NOVA1: variants seen among roughly 807,000 people sequenced by gnomAD.
The protein encoded by NOVA1 is RNA-binding protein Nova-1.
Under a neutral mutation model 38.0 loss-of-function variants are expected in NOVA1, and 7 were observed. The observed-to-expected ratio is 0.18, with a 90% confidence interval of 0.10 to 0.35. The LOEUF is 0.35. NOVA1 is among the 10% of genes least tolerant of loss of function. NOVA1 has a pLI of 1.00. For synonymous variants in NOVA1, 270 were observed against 232.5 expected (o/e 1.16, Z -1.47); for missense variants, 460 against 616.0 (o/e 0.75, Z 2.68).
chr14:26,585,661 C>T (rs888580324), intron 2 of NOVA1, among the ~76,000 whole-genome samples: 1 of 151,066 alleles, frequency 6.6e-6, no homozygotes, highest in Non-Finnish European at 1.5e-5. Context: ...TTTTAATATA[C>T]TTTATTAATA....
At chr14:26,492,732 C>T (rs550879374) in intron 2 of NOVA1, among the ~76,000 whole-genome samples, 1 of 152,102 alleles carries the variant, frequency 6.6e-6, no homozygotes, top group East Asian at 1.9e-4. Flanking sequence ...CTTGGGAGGC[C>T]GAGGTAGGCG....
intron 2 of NOVA1, among the ~76,000 whole-genome samples, chr14:26,518,340 T>C (rs997144703): frequency 6.6e-6 from 1 of 151,996 alleles, no homozygotes; most frequent in African/African-American, 2.4e-5. Flanking sequence ...ATACAATAAT[T>C]ATGGTAAAAG....
intron 2 of NOVA1, among the ~76,000 whole-genome samples, chr14:26,499,344 GAA>G (rs1887079704): frequency 6.6e-6 from 1 of 151,968 alleles, no homozygotes; most frequent in Admixed American, 6.6e-5. Context: ...ATAAGGGTAA[GAA>G]AAAATAAAAT....
rs1433173626 is a variant in NOVA1 at position 26,446,530 on chromosome 14, G to A, written c.*1429C>T. The A allele has an allele frequency of 6.5e-6, 1 of 152,712 alleles. No individual in the cohort carries two copies. The highest frequency in any genetic ancestry group is 2.4e-5 in the African/African-American group (1 of 41,462). The allele number at this position is 152,712 out of a possible 1,614,324, so 9.5% of individuals were successfully genotyped here. ...TTCAGTTGCTCAGCCAGATGATCCA[G>A]AGGTAGCCAGCATTTTATTTTTGTC... On this transcript the variant is annotated 3_prime_UTR_variant, in exon 5 of 5. Transcript: ENST00000539517.
At chr14:26,585,262 T>C (rs190274503) in intron 2 of NOVA1, among the ~76,000 whole-genome samples, 252 of 151,504 alleles carry the variant, frequency 1.7e-3, no homozygotes, top group African/African-American at 6.0e-3. Flanking sequence ...TTCCCTAAAA[T>C]TTTAATTTCA....
intron 2 of NOVA1, among the ~76,000 whole-genome samples, chr14:26,540,644 T>G (rs1377953357): frequency 6.6e-6 from 1 of 152,222 alleles, no homozygotes; most frequent in Non-Finnish European, 1.5e-5. Context: ...TATTCAGAAT[T>G]CATTTAAGGT....
chr14:26,475,063 G>T (rs894017509), intron 3 of NOVA1, among the ~76,000 whole-genome samples: 3 of 152,088 alleles, frequency 2.0e-5, no homozygotes, highest in South Asian at 4.1e-4. Flanking sequence ...AATGGAACAG[G>T]TGTGATAGTT....
chr14:26,493,113 G>C (rs1281614905), intron 2 of NOVA1, among the ~76,000 whole-genome samples: 1 of 151,944 alleles, frequency 6.6e-6, no homozygotes, highest in African/African-American at 2.4e-5. Context: ...AAACACAATG[G>C]AGTATCTTAT....
chr14:26,479,693 A>C (rs2138291355), intron 3 of NOVA1: 1 of 384,786 alleles, frequency 2.6e-6, no homozygotes, highest in South Asian at 1.3e-4. Flanking sequence ...TTCAATTCCT[A>C]TAAATTAAAT....
chr14:26,537,929 C>T (rs1160808832), intron 2 of NOVA1, among the ~76,000 whole-genome samples: 1 of 152,120 alleles, frequency 6.6e-6, no homozygotes, highest in Non-Finnish European at 1.5e-5. Context: ...AATGATGAAC[C>T]TTCTCTCACA....
At chr14:26,587,119 G>A (rs1327710593) in intron 2 of NOVA1, among the ~76,000 whole-genome samples, 1 of 150,494 alleles carries the variant, frequency 6.6e-6, no homozygotes, top group East Asian at 1.9e-4. Context: ...GAAACCTTAC[G>A]TAAATCACTT....
intron 2 of NOVA1, among the ~76,000 whole-genome samples, chr14:26,489,567 TA>T (rs1756334839): frequency 6.6e-6 from 1 of 151,868 alleles, no homozygotes; most frequent in Non-Finnish European, 1.5e-5. Context: ...GATGCTAAGA[TA>T]ATAGAAAAAT....
At chr14:26,518,789 T>C (rs991667828) in intron 2 of NOVA1, among the ~76,000 whole-genome samples, 3 of 152,112 alleles carry the variant, frequency 2.0e-5, no homozygotes, top group Admixed American at 6.5e-5. Context: ...AGGGGGTACA[T>C]ATGCAGGTTT....
intron 2 of NOVA1, among the ~76,000 whole-genome samples, chr14:26,496,243 A>G (rs1261869055): frequency 3.3e-4 from 50 of 152,234 alleles, no homozygotes; most frequent in African/African-American, 9.9e-4. Context: ...TTCTCTGACG[A>G]CCAGTGATGG....
intron 4 of NOVA1, among the ~76,000 whole-genome samples, chr14:26,465,357 TAGA>T (rs1197208555): frequency 2.0e-5 from 3 of 152,022 alleles, no homozygotes; most frequent in African/African-American, 7.2e-5. Flanking sequence ...GTATTTTTAG[TAGA>T]AGGTTTCACC....
intron 2 of NOVA1, among the ~76,000 whole-genome samples, chr14:26,487,567 T>C (rs545607087): frequency 1.3e-5 from 2 of 152,254 alleles, no homozygotes; most frequent in Non-Finnish European, 2.9e-5. Context: ...CAAAGACATA[T>C]AGCAAACACA....
intron 2 of NOVA1, among the ~76,000 whole-genome samples, chr14:26,511,247 G>A (rs556147368): frequency 7.0e-6 from 1 of 142,654 alleles, no homozygotes; most frequent in Non-Finnish European, 1.5e-5. Flanking sequence ...TGTACATGAG[G>A]TCAAATTAAT....
intron 2 of NOVA1, among the ~76,000 whole-genome samples, chr14:26,576,441 G>C (rs1245600540): frequency 1.3e-5 from 2 of 151,424 alleles, no homozygotes; most frequent in Non-Finnish European, 3.0e-5. Flanking sequence ...TAAATGTACA[G>C]TATCTCAAAA....
At chr14:26,536,859 T>C (rs1890134531) in intron 2 of NOVA1, among the ~76,000 whole-genome samples, 1 of 152,118 alleles carries the variant, frequency 6.6e-6, no homozygotes. Flanking sequence ...GGCCAAGTTT[T>C]TAAAAGCACA....
Sources: gnomAD v4.1 joint callset for allele counts (sites outside exome capture counted in the v4.1 genomes callset) on GRCh38, gnomAD v4.1.1 for gene constraint, MANE v1.5 for transcripts, NCBI Gene and HGNC (gene_info 2026-07-23, HGNC 2026-07-21) for gene names.